The following TBCD variants were observed in gnomAD, a reference collection of about 807,000 sequenced individuals.
TBCD encodes the protein tubulin folding cofactor D.
Under a neutral mutation model 169.3 loss-of-function variants are expected in TBCD, and 105 were observed. The observed-to-expected ratio is 0.62, with a 90% CI of 0.53 to 0.73. TBCD has a LOEUF of 0.73. Among genes scored for constraint, TBCD ranks in the 30% least tolerant of loss-of-function variants. TBCD has a pLI of 0.00. For synonymous variants in TBCD, 700 were observed against 643.9 expected (o/e 1.09, Z -1.32); for missense variants, 1,444 against 1,600.1 (o/e 0.90, Z 1.66).
intron 13 of TBCD, among the ~76,000 whole-genome samples, chr17:82,821,110 T>G (rs148132855): frequency 9.5e-6 from 1 of 105,324 alleles, no homozygotes; most frequent in African/African-American, 3.4e-5. Context: ...CCTGCTGCAC[T>G]GGAAAAAAAA....
At chr17:82,799,770 C>T (rs1028620973) in intron 8 of TBCD, among the ~76,000 whole-genome samples, 2 of 152,212 alleles carry the variant, frequency 1.3e-5, no homozygotes, top group Admixed American at 1.3e-4. Context: ...TCCTTGGTGA[C>T]GTGAACACAG....
At chr17:82,791,937 G>A (rs1326985285) in intron 7 of TBCD, among the ~76,000 whole-genome samples, 1 of 152,202 alleles carries the variant, frequency 6.6e-6, no homozygotes, top group Non-Finnish European at 1.5e-5. Context: ...AACCTGTACA[G>A]CACCTGACTG....
At chr17:82,875,881 G>A (rs978077612) in intron 14 of TBCD, among the ~76,000 whole-genome samples, 6 of 152,156 alleles carry the variant, frequency 3.9e-5, no homozygotes, top group East Asian at 1.9e-4. Flanking sequence ...AAAAATTCTC[G>A]TGTTTTACCA....
intron 7 of TBCD, among the ~76,000 whole-genome samples, chr17:82,785,264 G>C (rs1416719955): frequency 1.1e-4 from 10 of 90,838 alleles, no homozygotes; most frequent in South Asian, 5.6e-4. Context: ...GCGGGAGGGG[G>C]GTCCATGCTG....
chr17:82,810,255 A>G (rs590255), intron 12 of TBCD, among the ~76,000 whole-genome samples: 71,986 of 152,068 alleles, frequency 0.47, 17,918 homozygotes, highest in African/African-American at 0.63. Context: ...CTGTGAATTC[A>G]AGACCAGCCT....
intron 30 of TBCD, among the ~76,000 whole-genome samples, chr17:82,928,358 A>G (rs1018846623): frequency 6.6e-6 from 1 of 152,172 alleles, no homozygotes; most frequent in African/African-American, 2.4e-5. Flanking sequence ...TCCTGCCAGG[A>G]CCAGCTGAGC....
chr17:82,752,109 T>A lies in TBCD; in HGVS notation c.-85T>A. The A allele has an allele frequency of 1.5e-6, 2 of 1,346,084 alleles. No homozygotes were observed. Among genetic ancestry groups the A allele is most frequent in the Non-Finnish European group, 1.9e-6 (2 of 1,037,926 alleles). 83.4% of individuals were successfully genotyped at this position (1,346,084 alleles called of 1,614,324 possible). The stretch of plus-strand genomic sequence containing the variant: ...TTAGCGGGCGCCTCCTTTTCATCCC[T>A]CATCCTTCATCCCTGGCTTTCGCGC... On this transcript the variant is annotated 5_prime_UTR_variant, in exon 1 of 39. Transcript: ENST00000355528.
At chr17:82,893,933 T>G (rs571784054) in intron 17 of TBCD, among the ~76,000 whole-genome samples, 1 of 152,336 alleles carries the variant, frequency 6.6e-6, no homozygotes, top group East Asian at 1.9e-4. Context: ...ATTTTTCTCC[T>G]GGTCGCCCCG....
In TBCD at chr17:82,768,546, C is replaced by T. The variant is rs558681233; in HGVS notation, c.562C>T (p.Arg188Cys). The T allele has an allele frequency of 1.2e-5, 20 of 1,613,788 alleles. No individual in the cohort carries two copies. Among genetic ancestry groups the T allele is most frequent in the Middle Eastern group, 1.6e-4 (1 of 6,084 alleles). Reference sequence around the variant, plus strand: ...GCAAGCACGAATGTCCATAATGGACCGTATTCTCCAAATAGCAGAGGTAAA... The same window carrying T: ...GCAAGCACGAATGTCCATAATGGACTGTATTCTCCAAATAGCAGAGGTAAA... Reference protein sequence around the residue: ...PGQARMSIMDRILQIAESYLI... With the variant: ...PGQARMSIMDCILQIAESYLI... The change falls in exon 5 of 39, where the codon CGT becomes TGT. Residue 188 changes from arginine (R) to cysteine (C), a missense_variant. Arg to Cys is a radical substitution (Grantham distance 180, BLOSUM62 -3). Coordinates refer to ENST00000355528, the MANE Select transcript of TBCD (RefSeq NM_005993.5).
chr17:82,936,708 C>G (rs1000744566), intron 34 of TBCD, among the ~76,000 whole-genome samples: 8 of 152,178 alleles, frequency 5.3e-5, no homozygotes, highest in African/African-American at 1.9e-4. Context: ...GCATTCCCCA[C>G]TGAGAGAGGG....
At chr17:82,768,940 C>A (rs1026051363) in intron 5 of TBCD, among the ~76,000 whole-genome samples, 4 of 152,184 alleles carry the variant, frequency 2.6e-5, no homozygotes, top group Non-Finnish European at 5.9e-5. Context: ...AAGAAAAATA[C>A]TAAATTTAAA....
In TBCD at chr17:82,937,241, T is replaced by TCATCTCTAA. The variant is rs754764816; in HGVS notation, c.3192-29_3192-21dup. The stretch of plus-strand genomic sequence containing the variant: ...GCATCCCGGGGCTGCCTGTGAAAGC[T>TCATCTCTAA]CATCTCTAAAGTGTGTGTTGTTCTT... On this transcript the variant is annotated intron_variant, in intron 34 of 38. Transcript: ENST00000355528. 30 of 1,607,506 alleles carry TCATCTCTAA rather than the reference T, an allele frequency of 1.9e-5. No individual in the cohort carries two copies. The East Asian group carries it at 6.2e-4, about 33-fold the overall frequency.
At chr17:82,870,785 G>A (rs1442512967) in intron 14 of TBCD, among the ~76,000 whole-genome samples, 3 of 152,262 alleles carry the variant, frequency 2.0e-5, no homozygotes, top group South Asian at 2.1e-4. Flanking sequence ...TGCTCCCTGC[G>A]GTCGTGGGTC....
chr17:82,783,214 G>A (rs1047432071), intron 7 of TBCD, among the ~76,000 whole-genome samples: 1 of 152,164 alleles, frequency 6.6e-6, no homozygotes, highest in Non-Finnish European at 1.5e-5. Flanking sequence ...CTTCAGGAGG[G>A]CAGCCTTTGA....
Position 82,932,655 on chromosome 17 carries a change from CAG to C in TBCD, c.3114-2_3114-1del, listed in dbSNP as rs762955827. 1.2e-6 allele frequency: 2 copies of C among 1,612,784 alleles called. No homozygotes were observed. Among genetic ancestry groups the C allele is most frequent in the Non-Finnish European group, 1.7e-6 (2 of 1,179,596 alleles). On this transcript the variant is annotated splice_acceptor_variant, in intron 33 of 38. Transcript: ENST00000355528. LOFTEE classifies it high-confidence loss of function. Reference sequence around the variant, plus strand: ...AGGGTCTCACAGCTCCTTCTCCCCTCAGGGTGTCCGTGCCGCTGCTGAAGACG... The same window carrying C: ...AGGGTCTCACAGCTCCTTCTCCCCTCGGTGTCCGTGCCGCTGCTGAAGACG...
chr17:82,801,690 G>GGTGTGT (rs2050558360), intron 9 of TBCD, among the ~76,000 whole-genome samples: 2 of 134,424 alleles, frequency 1.5e-5, no homozygotes, highest in African/African-American at 5.9e-5. Flanking sequence ...GCAGGAGGGC[G>GGTGTGT]GCGTGTGCGT....
At position 82,814,947 on chromosome 17, in the gene TBCD, G is replaced by A. The variant is rs774660969; in HGVS notation, c.1318+13G>A. On this transcript the variant is annotated intron_variant, in intron 13 of 38. Coordinates refer to ENST00000355528, the MANE Select transcript of TBCD (RefSeq NM_005993.5). The stretch of plus-strand genomic sequence containing the variant: ...CGACTCGTGGATGGTGAGTAGCTGA[G>A]GCACGGTCAGGGGGGATGTCTGGCG... 5 of 1,601,668 alleles carry A rather than the reference G, an allele frequency of 3.1e-6. No homozygotes were observed. Among genetic ancestry groups the A allele is most frequent in the South Asian group, 1.1e-5 (1 of 89,590 alleles).
Position 82,776,933 on chromosome 17 carries a change from C to A in TBCD, c.638+4426C>A, listed in dbSNP as rs116834144. On this transcript the variant is annotated intron_variant, in intron 6 of 38. Coordinates refer to ENST00000355528, the MANE Select transcript of TBCD (RefSeq NM_005993.5). ...CTGATTGCCCTCACCTTAGGTGTTA[C>A]ATACTCCGCTTCGTGACCTGACTCT... 9.0e-3 allele frequency among the ~76,000 whole-genome samples: 1,375 copies of A among 152,264 alleles called. 17 individuals are homozygous for A. Among genetic ancestry groups the A allele is most frequent in the African/African-American group, 0.032 (1,332 of 41,544 alleles).
chr17:82,935,806 C>T (rs1243413237), intron 34 of TBCD, among the ~76,000 whole-genome samples: 1 of 152,152 alleles, frequency 6.6e-6, no homozygotes, highest in Non-Finnish European at 1.5e-5. Context: ...CACGTTTTTA[C>T]TTTCTTTGTC....
Sources: allele counts gnomAD v4.1 joint callset (sites outside exome capture counted in the v4.1 genomes callset), GRCh38; gene constraint gnomAD v4.1.1; transcripts MANE v1.5; gene names NCBI Gene and HGNC (gene_info 2026-07-23, HGNC 2026-07-21).